SLC14A2: variants seen among roughly 807,000 people sequenced by gnomAD.
SLC14A2 encodes solute carrier family 14 member 2.
Under a neutral mutation model 104.6 loss-of-function variants are expected in SLC14A2, and 91 were observed. The observed-to-expected ratio is 0.87, with a 90% CI of 0.73 to 1.04. SLC14A2 has a LOEUF of 1.04. Ranked by LOEUF, SLC14A2 falls within the 50% of genes least tolerant of loss-of-function variation. The probability of loss-of-function intolerance (pLI) is 0.00; values close to 1 mark genes in which losing one functional copy is unlikely to be tolerated. For missense variants in SLC14A2, 1,189 were observed against 1,156.0 expected (o/e 1.03, Z -0.41); for synonymous variants, 476 against 466.4 (o/e 1.02, Z -0.27).
At chr18:45,417,627 G>C (rs1034056811) in intron 1 of SLC14A2, among the ~76,000 whole-genome samples, 1 of 152,118 alleles carries the variant, frequency 6.6e-6, no homozygotes, top group Non-Finnish European at 1.5e-5. Context: ...CCTCCCACCA[G>C]GTCCCTTGCA....
chr18:45,190,010 A>G, the SLC14A2 span, among the ~76,000 whole-genome samples: 2 of 152,164 alleles, frequency 1.3e-5, no homozygotes, highest in Non-Finnish European at 2.9e-5. Flanking sequence ...GTTTTCCACA[A>G]GATACAGCTG....
intron 2 of SLC14A2, among the ~76,000 whole-genome samples, chr18:45,574,027 C>T (rs551498255): frequency 1.3e-5 from 2 of 152,232 alleles, no homozygotes; most frequent in Non-Finnish European, 1.5e-5. Flanking sequence ...TACTAGTCAT[C>T]GTATGAATTA....
At chr18:45,514,703 A>G (rs1015803302) in intron 2 of SLC14A2, among the ~76,000 whole-genome samples, 2 of 152,188 alleles carry the variant, frequency 1.3e-5, no homozygotes, top group South Asian at 2.1e-4. Context: ...TTGAGCATCT[A>G]TGATGTGCAA....
intron 1 of SLC14A2, among the ~76,000 whole-genome samples, chr18:45,244,453 C>T (rs1599607553): frequency 6.6e-6 from 1 of 152,098 alleles, no homozygotes; most frequent in African/African-American, 2.4e-5. Flanking sequence ...ATAGTGAAAC[C>T]CCATCTCTGC....
rs147421667 is a variant in SLC14A2 at position 45,532,007 on chromosome 18, T to C, written c.-35+48685T>C. Among the ~76,000 whole-genome samples, 1,084 of 152,338 alleles carry C rather than the reference T, an allele frequency of 7.1e-3. 18 individuals are homozygous for C. Among genetic ancestry groups the C allele is most frequent in the African/African-American group, 0.025 (1,019 of 41,574 alleles). ...GTCAGGTTTGTCAAAGATCAGATAGTTGTAGATATGCGGCATTATTTCTGA... is the reference window on the plus strand; with the variant it reads ...GTCAGGTTTGTCAAAGATCAGATAGCTGTAGATATGCGGCATTATTTCTGA... On this transcript the variant is annotated intron_variant, in intron 2 of 20. Transcript: ENST00000586448.
chr18:45,460,763 T>C (rs149757741), intron 1 of SLC14A2, among the ~76,000 whole-genome samples: 1 of 152,224 alleles, frequency 6.6e-6, no homozygotes, highest in East Asian at 1.9e-4. Flanking sequence ...TAAATCCATT[T>C]TGCTTTGTGG....
At chr18:45,526,679 A>G (rs2144820728) in intron 2 of SLC14A2, among the ~76,000 whole-genome samples, 1 of 152,214 alleles carries the variant, frequency 6.6e-6, no homozygotes, top group South Asian at 2.1e-4. Context: ...GAGGGGGAAG[A>G]TGGGTAGAAT....
chr18:45,587,350 ACAAT>A (rs1488103589), intron 2 of SLC14A2, among the ~76,000 whole-genome samples: 1 of 152,212 alleles, frequency 6.6e-6, no homozygotes, highest in African/African-American at 2.4e-5. Flanking sequence ...GTGCCAACAC[ACAAT>A]CAGTTGCTTT....
At chr18:45,347,784 T>A (rs753603567) in intron 1 of SLC14A2, among the ~76,000 whole-genome samples, 2 of 152,216 alleles carry the variant, frequency 1.3e-5, no homozygotes, top group Non-Finnish European at 2.9e-5. Flanking sequence ...AGTATAAACT[T>A]CCATGTTGCC....
At chr18:45,505,692 C>T (rs2043273245) in intron 2 of SLC14A2, among the ~76,000 whole-genome samples, 1 of 152,172 alleles carries the variant, frequency 6.6e-6, no homozygotes, top group African/African-American at 2.4e-5. Context: ...GCACCCACAC[C>T]ACGTGAGAAC....
At chr18:45,540,469 G>A (rs2043868796) in intron 2 of SLC14A2, among the ~76,000 whole-genome samples, 1 of 152,156 alleles carries the variant, frequency 6.6e-6, no homozygotes, top group Non-Finnish European at 1.5e-5. Context: ...TGGGCCGGGT[G>A]CGGTGGCTCA....
At chr18:45,341,595 C>CTTTTTTTTTTTTTT (rs376534367) in intron 1 of SLC14A2, among the ~76,000 whole-genome samples, 1 of 83,152 alleles carries the variant, frequency 1.2e-5, no homozygotes, top group Admixed American at 1.3e-4. Flanking sequence ...TCTAGTATTA[C>CTTTTTTTTTTTTTT]TTTTTTTTTT....
Position 45,476,448 on chromosome 18 carries a change from A to G in SLC14A2, c.-124-6785A>G, listed in dbSNP as rs192781240. On this transcript the variant is annotated intron_variant, in intron 1 of 20. Coordinates refer to the SLC14A2 transcript ENST00000586448. ...AATTTCAACCTTGGTGAAGGTGATG[A>G]TTATGTTTCTTGGGGTTGCTCTTCT... 9.2e-5 allele frequency among the ~76,000 whole-genome samples: 14 copies of G among 152,102 alleles called. No homozygotes were observed. In the East Asian group the frequency reaches 2.7e-3, roughly 29 times the overall value.
chr18:45,581,199 T>G (rs1000670195), intron 2 of SLC14A2, among the ~76,000 whole-genome samples: 2 of 151,726 alleles, frequency 1.3e-5, no homozygotes, highest in Non-Finnish European at 2.9e-5. Flanking sequence ...GAAAGGGAGA[T>G]GAGAACAGAG....
chr18:45,331,690 CAAA>C (rs11348476), intron 1 of SLC14A2, among the ~76,000 whole-genome samples: 2 of 87,440 alleles, frequency 2.3e-5, no homozygotes, highest in African/African-American at 3.9e-5. Flanking sequence ...GACTCCGTCT[CAAA>C]AAAAAAAAAA....
chr18:45,175,688 G>A, the SLC14A2 span, among the ~76,000 whole-genome samples: 7 of 152,142 alleles, frequency 4.6e-5, no homozygotes, highest in East Asian at 1.9e-4. Flanking sequence ...TCGCTGAGAC[G>A]GGTTACAACA....
rs1415737080 is a variant in SLC14A2, at chr18:45,669,425, T to G, written c.2156T>G (p.Phe719Cys). ...GCAGCCACGGGCCACTACAACCTTT[T>G]CTTCCCCACAACGCTGCTGCAGCCT... is the stretch of plus-strand genomic sequence containing the variant. The part of the protein sequence containing the change: ...YLAATGHYNL[F>C]FPTTLLQPAS... The change falls in exon 16 of 20, where the codon TTC (phenylalanine) becomes TGC (cysteine). Residue 719 changes from phenylalanine to cysteine, a missense_variant. Coordinates refer to ENST00000255226, the MANE Select transcript of SLC14A2 (RefSeq NM_007163.4). The G allele has an allele frequency of 6.2e-7, 1 of 1,614,032 alleles. No homozygotes were observed. Among genetic ancestry groups the G allele is most frequent in the Admixed American group, 1.7e-5 (1 of 60,008 alleles).
In SLC14A2 at chr18:45,641,324, C is replaced by A; in HGVS notation, c.1107C>A (p.His369Gln). 1.9e-6 allele frequency: 3 copies of A among 1,614,230 alleles called. No individual in the cohort carries two copies. Among genetic ancestry groups the A allele is most frequent in the Non-Finnish European group, 1.7e-6 (2 of 1,180,034 alleles). Reference sequence around the variant, plus strand: ...TCTATGCCCTCACCTGGCAGACTCACCTGCTGGCCCTCATCTGTGGTAGGT... The same window carrying A: ...TCTATGCCCTCACCTGGCAGACTCAACTGCTGGCCCTCATCTGTGGTAGGT... ...GMFYALTWQT[H>Q]LLALICALFC... The change falls in exon 8 of 20, where the codon CAC (histidine) becomes CAA (glutamine). Residue 369 changes from histidine to glutamine, a missense_variant. His to Gln is a conservative substitution (Grantham distance 24, BLOSUM62 0). Coordinates refer to ENST00000255226, the MANE Select transcript of SLC14A2 (RefSeq NM_007163.4).
chr18:45,627,049 C>T lies in SLC14A2; in HGVS notation c.423C>T (p.Ile141=). The T allele has an allele frequency of 1.2e-6, 2 of 1,613,770 alleles. No individual in the cohort carries two copies. The highest frequency in any genetic ancestry group is 1.7e-6 in the Non-Finnish European group (2 of 1,179,994). The change falls in exon 4 of 20, where the codon ATC becomes ATT. Residue 141 remains isoleucine, a synonymous_variant. Transcript: ENST00000255226. The part of the protein sequence containing the change: ...FINNPLSGLI[I]FIGLLIQNPW... ...ACAATCCTCTCAGCGGCCTCATCAT[C>T]TTCATAGGGCTGCTGATCCAGAATC... is the stretch of plus-strand genomic sequence containing the variant.
Sources: allele counts gnomAD v4.1 joint callset (sites outside exome capture counted in the v4.1 genomes callset), GRCh38; gene constraint gnomAD v4.1.1; transcripts MANE v1.5; gene names NCBI Gene and HGNC (gene_info 2026-07-23, HGNC 2026-07-21).